Variants in KCNMB2 observed in about 807,000 individuals in gnomAD.
The protein encoded by KCNMB2 is potassium calcium-activated channel subfamily M regulatory beta subunit 2.
A neutral mutation model predicts 24.5 loss-of-function variants in KCNMB2; 9 were observed. The observed-to-expected ratio is 0.37, with a 90% CI of 0.22 to 0.64. KCNMB2 has a LOEUF of 0.64. KCNMB2 is among the 30% of genes least tolerant of loss of function. The pLI is 0.63. For missense variants in KCNMB2, 226 were observed against 284.3 expected (o/e 0.79, Z 1.47); for synonymous variants, 109 against 104.4 (o/e 1.04, Z -0.27).
chr3:178,686,720 T>G lies in KCNMB2; in HGVS notation c.-67-120623T>G, dbSNP rs114409401. 1.9e-3 allele frequency among the ~76,000 whole-genome samples: 282 copies of G among 152,294 alleles called. 2 individuals carry two copies. Among genetic ancestry groups the G allele is most frequent in the African/African-American group, 6.5e-3 (272 of 41,556 alleles). On this transcript the variant is annotated intron_variant, in intron 1 of 4. Coordinates refer to ENST00000452583, the MANE Select transcript of KCNMB2 (RefSeq NM_181361.3). ...CCATGTCTGTATATGGTGTACAACT[T>G]TTAGTTACTTCATTTACAATTTAAA...
intron 2 of KCNMB2, among the ~76,000 whole-genome samples, chr3:178,813,929 T>C (rs910194399): frequency 1.3e-5 from 2 of 152,096 alleles, no homozygotes; most frequent in Non-Finnish European, 2.9e-5. Flanking sequence ...GAACGACCCC[T>C]ACTCTCATAA....
chr3:178,595,059 C>CAAAAAAAAAAAAAAAAAAA, intron 1 of KCNMB2, among the ~76,000 whole-genome samples: 1 of 123,744 alleles, frequency 8.1e-6, no homozygotes, highest in Non-Finnish European at 1.7e-5. Context: ...ACAGTATTTG[C>CAAAAAAAAAAAAAAAAAAA]AAAAAAAAAA....
At chr3:178,755,200 G>A (rs571726446) in intron 1 of KCNMB2, among the ~76,000 whole-genome samples, 2 of 152,284 alleles carry the variant, frequency 1.3e-5, no homozygotes, top group Admixed American at 1.3e-4. Context: ...TGCATAGCAG[G>A]AGCACTCAAA....
At chr3:178,780,096 C>T (rs1190671157) in intron 1 of KCNMB2, among the ~76,000 whole-genome samples, 2 of 143,374 alleles carry the variant, frequency 1.4e-5, no homozygotes, top group African/African-American at 5.2e-5. Context: ...ATGGGTTAAA[C>T]ACATTTGCTG....
Position 178,816,731 on chromosome 3 carries a change from C to G in KCNMB2, c.57-8857C>G, listed in dbSNP as rs911411308. 2.0e-5 allele frequency among the ~76,000 whole-genome samples: 3 copies of G among 151,882 alleles called. No homozygotes were observed. The East Asian group carries it at 5.8e-4, about 29-fold the overall frequency. ...TTTTTGCTGGACTTTATTCTATGAC[C>G]CATGAGTTCTTTGTACTATGGTTTT... On this transcript the variant is annotated intron_variant, in intron 2 of 4. Transcript: ENST00000452583.
At chr3:178,788,441 G>A (rs1273819025) in intron 1 of KCNMB2, among the ~76,000 whole-genome samples, 1 of 151,986 alleles carries the variant, frequency 6.6e-6, no homozygotes, top group Non-Finnish European at 1.5e-5. Context: ...AGGGCTTTAT[G>A]TATCAGTATG....
At chr3:178,667,213 A>G (rs1278712717) in intron 1 of KCNMB2, among the ~76,000 whole-genome samples, 1 of 152,102 alleles carries the variant, frequency 6.6e-6, no homozygotes, top group African/African-American at 2.4e-5. Flanking sequence ...GTATCCTTAT[A>G]AAAAGAGGAA....
chr3:178,777,450 G>A (rs1020898679), intron 1 of KCNMB2, among the ~76,000 whole-genome samples: 1 of 152,070 alleles, frequency 6.6e-6, no homozygotes, highest in African/African-American at 2.4e-5. Context: ...AAAAAAGTCA[G>A]AAATGTTGGC....
chr3:178,671,937 G>A lies in KCNMB2; in HGVS notation c.-68+135226G>A, dbSNP rs148421327. 1.3e-3 allele frequency among the ~76,000 whole-genome samples: 196 copies of A among 152,256 alleles called. 4 individuals are homozygous for A. Among genetic ancestry groups the A allele is most frequent in the African/African-American group, 4.6e-3 (191 of 41,556 alleles). Reference sequence around the variant, plus strand: ...AGGGACACTGCATTTCCTGGGCTGTGCACACAGAGAGGTGCACACCTTTGG... The same window carrying A: ...AGGGACACTGCATTTCCTGGGCTGTACACACAGAGAGGTGCACACCTTTGG... On this transcript the variant is annotated intron_variant, in intron 1 of 4. Coordinates refer to ENST00000452583, the MANE Select transcript of KCNMB2 (RefSeq NM_181361.3).
chr3:178,814,121 T>A (rs557548353), intron 2 of KCNMB2, among the ~76,000 whole-genome samples: 1 of 152,118 alleles, frequency 6.6e-6, no homozygotes, highest in Admixed American at 6.6e-5. Flanking sequence ...TAGTACCCAA[T>A]AGGTAGTTTT....
rs188017494 is a variant in KCNMB2 at position 178,806,088 on chromosome 3, A to C, written c.-67-1255A>C. On this transcript the variant is annotated intron_variant, in intron 1 of 4. Coordinates refer to ENST00000452583, the MANE Select transcript of KCNMB2 (RefSeq NM_181361.3). The stretch of plus-strand genomic sequence containing the variant: ...AGGCTGCAGTGAGCTATGACTGCGC[A>C]TGTGAATAGCCACTGCATTCCTGCC... 1.1e-4 allele frequency among the ~76,000 whole-genome samples: 16 copies of C among 152,308 alleles called. No homozygotes were observed. In the East Asian group the frequency reaches 3.1e-3, roughly 29 times the overall value.
chr3:178,680,302 G>T (rs550839234), intron 1 of KCNMB2, among the ~76,000 whole-genome samples: 1 of 152,150 alleles, frequency 6.6e-6, no homozygotes, highest in Non-Finnish European at 1.5e-5. Context: ...GGGAGGCCCA[G>T]AGGTCTCTTC....
intron 4 of KCNMB2, among the ~76,000 whole-genome samples, chr3:178,830,592 GTTCTTACTGCTCCAAATCTTTGCCAAC>G (rs1309642099): frequency 6.6e-6 from 1 of 152,128 alleles, no homozygotes; most frequent in African/African-American, 2.4e-5. Context: ...GGGTATGAGA[GTTCTTACTGCTCCAAATCTTTGCCAAC>G]ATTTGGTAAT....
chr3:178,799,534 C>CA (rs1713691139), intron 1 of KCNMB2, among the ~76,000 whole-genome samples: 1 of 151,950 alleles, frequency 6.6e-6, no homozygotes. Context: ...GAAGAGTTCA[C>CA]AAAAAATGAG....
At chr3:178,786,837 C>CA (rs1230197805) in intron 1 of KCNMB2, among the ~76,000 whole-genome samples, 40 of 136,186 alleles carry the variant, frequency 2.9e-4, no homozygotes, top group East Asian at 8.3e-4. Context: ...TGCAATTTTT[C>CA]AAAAAAAAAA....
At chr3:178,652,917 C>A (rs1209046793) in intron 1 of KCNMB2, among the ~76,000 whole-genome samples, 1 of 152,128 alleles carries the variant, frequency 6.6e-6, no homozygotes, top group Non-Finnish European at 1.5e-5. Context: ...CCTGCCTCGG[C>A]CTCCCAAAGT....
intron 2 of KCNMB2, among the ~76,000 whole-genome samples, chr3:178,818,007 G>A (rs958962231): frequency 6.6e-6 from 1 of 152,200 alleles, no homozygotes; most frequent in South Asian, 2.1e-4. Flanking sequence ...TTCTGGAAGA[G>A]CTCTCAGCCA....
At chr3:178,713,962 A>C (rs1336814724) in intron 1 of KCNMB2, among the ~76,000 whole-genome samples, 6 of 152,182 alleles carry the variant, frequency 3.9e-5, no homozygotes, top group South Asian at 2.1e-4. Context: ...TCATGTTTTT[A>C]AGAAAAATTC....
At chr3:178,682,321 A>T (rs1194577169) in intron 1 of KCNMB2, among the ~76,000 whole-genome samples, 1 of 152,176 alleles carries the variant, frequency 6.6e-6, no homozygotes, top group African/African-American at 2.4e-5. Context: ...TCACTACACA[A>T]TAATTGCTGT....
Sources: gnomAD v4.1 joint callset for allele counts (sites outside exome capture counted in the v4.1 genomes callset) on GRCh38, gnomAD v4.1.1 for gene constraint, MANE v1.5 for transcripts, NCBI Gene and HGNC (gene_info 2026-07-23, HGNC 2026-07-21) for gene names.